MIB1: variants seen among roughly 807,000 people sequenced by gnomAD.
The protein encoded by MIB1 is E3 ubiquitin-protein ligase MIB1.
Under a neutral mutation model 124.5 loss-of-function variants are expected in MIB1, and 278 were observed. The observed-to-expected ratio is 2.23, with a 90% CI of 2.02 to 2.47. MIB1 has a LOEUF of 2.47. Ranked by LOEUF, MIB1 falls within the 30% of genes most tolerant of loss-of-function variation. The pLI is 0.00. For synonymous variants in MIB1, 446 were observed against 429.4 expected (o/e 1.04, Z -0.48); for missense variants, 957 against 1,254.4 (o/e 0.76, Z 3.58).
At chr18:21,832,410 T>G (rs2041992444) in intron 12 of MIB1, among the ~76,000 whole-genome samples, 1 of 152,166 alleles carries the variant, frequency 6.6e-6, no homozygotes, top group Non-Finnish European at 1.5e-5. Flanking sequence ...GACTCAGAGG[T>G]AAAAATACTT....
At chr18:21,862,642 T>A (rs2042285952) in intron 20 of MIB1, among the ~76,000 whole-genome samples, 3 of 152,188 alleles carry the variant, frequency 2.0e-5, no homozygotes, top group Admixed American at 1.3e-4. Context: ...AGTAATACAG[T>A]GCAGCACAGT....
At chr18:21,816,449 T>C (rs1268064742) in intron 11 of MIB1, among the ~76,000 whole-genome samples, 6 of 152,228 alleles carry the variant, frequency 3.9e-5, no homozygotes, top group Non-Finnish European at 8.8e-5. Context: ...TTAAAGTTTC[T>C]ATACTTAGTA....
intron 6 of MIB1, among the ~76,000 whole-genome samples, chr18:21,787,342 A>G (rs1237032476): frequency 6.6e-6 from 1 of 152,212 alleles, no homozygotes; most frequent in Non-Finnish European, 1.5e-5. Context: ...GCTGCTGAAC[A>G]GCCACTCTGA....
At chr18:21,821,982 C>T (rs1479544882) in intron 12 of MIB1, among the ~76,000 whole-genome samples, 1 of 152,156 alleles carries the variant, frequency 6.6e-6, no homozygotes, top group East Asian at 1.9e-4. Flanking sequence ...TTTCTCTTTA[C>T]ATTGTGGGCA....
At chr18:21,806,682 A>T (rs1434370677) in intron 10 of MIB1, among the ~76,000 whole-genome samples, 1 of 149,670 alleles carries the variant, frequency 6.7e-6, no homozygotes. Flanking sequence ...GTGTAGTAGT[A>T]GCGCGATCTT....
At chr18:21,771,557 CAT>C (rs1423227734) in intron 3 of MIB1, among the ~76,000 whole-genome samples, 2 of 152,030 alleles carry the variant, frequency 1.3e-5, no homozygotes, top group African/African-American at 4.8e-5. Flanking sequence ...GAGCAGGAAT[CAT>C]AAAGCAAATT....
intron 1 of MIB1, among the ~76,000 whole-genome samples, chr18:21,724,630 T>C (rs1358303396): frequency 1.1e-4 from 16 of 142,636 alleles, no homozygotes; most frequent in Admixed American, 7.1e-4. Context: ...GCTTGAACTG[T>C]GGGGGCGGAG....
rs182206881 is a variant in MIB1 at position 21,823,058 on chromosome 18, A to G, written c.1829+3412A>G. Among the ~76,000 whole-genome samples, 27 of 152,236 alleles carry G rather than the reference A, an allele frequency of 1.8e-4. No individual in the cohort carries two copies. The East Asian group carries it at 2.1e-3, about 12-fold the overall frequency. On this transcript the variant is annotated intron_variant, in intron 12 of 20. Transcript: ENST00000261537. Reference sequence around the variant, plus strand: ...AGACCAGCCTGGCCAACATTGTGAAATGCTGTCTCTACTAAAAATACAAAA... The same window carrying G: ...AGACCAGCCTGGCCAACATTGTGAAGTGCTGTCTCTACTAAAAATACAAAA...
chr18:21,784,117 C>T (rs1027590922), intron 6 of MIB1, among the ~76,000 whole-genome samples: 22 of 143,218 alleles, frequency 1.5e-4, no homozygotes, highest in Admixed American at 5.8e-4. Context: ...GGTGTGATCT[C>T]GGCTCACTGT....
chr18:21,859,425 T>C (rs946484541), intron 20 of MIB1, among the ~76,000 whole-genome samples: 3 of 151,616 alleles, frequency 2.0e-5, no homozygotes, highest in Admixed American at 2.0e-4. Context: ...ATAGTGGTTT[T>C]CTTGGTAAGA....
chr18:21,731,733 CAAAAAAA>C (rs1229088832), intron 1 of MIB1, among the ~76,000 whole-genome samples: 2 of 35,904 alleles, frequency 5.6e-5, no homozygotes, highest in Admixed American at 3.4e-4. Flanking sequence ...CCCCGTCTCA[CAAAAAAA>C]AAAAAAAAAA....
At chr18:21,709,082 C>T (rs1428098579) in intron 1 of MIB1, among the ~76,000 whole-genome samples, 12 of 152,120 alleles carry the variant, frequency 7.9e-5, no homozygotes, top group Admixed American at 5.9e-4. Flanking sequence ...TTTGGGAGGC[C>T]GAGGCGGGCG....
intron 1 of MIB1, among the ~76,000 whole-genome samples, chr18:21,735,676 A>G (rs1435001764): frequency 2.0e-5 from 3 of 152,162 alleles, no homozygotes; most frequent in African/African-American, 4.8e-5. Context: ...TGAGATGCTC[A>G]AGCTTGGTCG....
At chr18:21,808,501 A>G (rs1187155179) in intron 10 of MIB1, among the ~76,000 whole-genome samples, 2 of 152,188 alleles carry the variant, frequency 1.3e-5, no homozygotes, top group Middle Eastern at 3.2e-3. Flanking sequence ...ATAGATGACT[A>G]TTGCAGAGTT....
intron 1 of MIB1, among the ~76,000 whole-genome samples, chr18:21,764,108 A>C (rs1034117034): frequency 6.6e-6 from 1 of 152,112 alleles, no homozygotes; most frequent in Non-Finnish European, 1.5e-5. Flanking sequence ...TTCTGTCCCT[A>C]CAGTCAAGCA....
rs552543857 is a variant in MIB1, at chr18:21,781,401, A to G, written c.908+1716A>G. ...TATATATATATATATATATATATAT[A>G]TATATATATATATAAAATTATTATT... On this transcript the variant is annotated intron_variant, in intron 6 of 20. Coordinates refer to ENST00000261537, the MANE Select transcript of MIB1 (RefSeq NM_020774.4). Among the ~76,000 whole-genome samples the G allele has an allele frequency of 4.1e-3, 328 of 79,242 alleles. 7 individuals are homozygous for G. Among genetic ancestry groups the G allele is most frequent in the African/African-American group, 0.016 (292 of 18,584 alleles). 52.0% of individuals were successfully genotyped at this position (79,242 alleles called of 152,430 possible).
At chr18:21,710,240 C>A (rs1184891498) in intron 1 of MIB1, among the ~76,000 whole-genome samples, 1 of 151,924 alleles carries the variant, frequency 6.6e-6, no homozygotes, top group Non-Finnish European at 1.5e-5. Context: ...GGATTACAGG[C>A]ATGCACCATC....
chr18:21,806,275 A>AACAATT (rs2041705484), intron 10 of MIB1, among the ~76,000 whole-genome samples: 4 of 150,436 alleles, frequency 2.7e-5, no homozygotes, highest in Non-Finnish European at 5.9e-5. Context: ...ATTATGGCTC[A>AACAATT]CTGCAGCCTT....
chr18:21,782,669 CT>C (rs2041384181), intron 6 of MIB1, among the ~76,000 whole-genome samples: 1 of 152,170 alleles, frequency 6.6e-6, no homozygotes, highest in Non-Finnish European at 1.5e-5. Context: ...TTTAGTGAGA[CT>C]TGTTTTGTGG....
Sources: gnomAD v4.1 joint callset for allele counts (sites outside exome capture counted in the v4.1 genomes callset) on GRCh38, gnomAD v4.1.1 for gene constraint, MANE v1.5 for transcripts, NCBI Gene and HGNC (gene_info 2026-07-23, HGNC 2026-07-21) for gene names.